The following IGFL2 variants were observed in gnomAD, a reference collection of about 807,000 sequenced individuals.
The protein encoded by IGFL2 is IGF like family member 2.
IGFL2 carries 7 observed loss-of-function variants against 13.9 expected under a neutral mutation model. The ratio of observed to expected loss-of-function variants is 0.51; its 90% confidence interval spans 0.29 to 0.95. The LOEUF is 0.95. Among genes scored for constraint, IGFL2 ranks in the 40% least tolerant of loss-of-function variants. The probability of loss-of-function intolerance (pLI) is 0.08; values close to 1 mark genes in which losing one functional copy is unlikely to be tolerated. For synonymous variants in IGFL2, 55 were observed against 55.8 expected (o/e 0.99, Z 0.07); for missense variants, 138 against 147.8 (o/e 0.93, Z 0.34).
At position 46,160,735 on chromosome 19, in the gene IGFL2, A is replaced by T; in HGVS notation, c.195A>T (p.Gln65His). 2 of 1,614,036 alleles carry T rather than the reference A, an allele frequency of 1.2e-6. No homozygotes were observed. Residue 65 changes from glutamine to histidine, a missense_variant, in exon 3 of 4, where the codon CAA becomes CAT. Gln to His is a conservative substitution (Grantham distance 24, BLOSUM62 0). Coordinates refer to ENST00000377693, the MANE Select transcript of IGFL2 (RefSeq NM_001135113.2). Reference protein sequence around the residue: ...DAIVSLSETRQCGPPCTFWPC... With the variant: ...DAIVSLSETRHCGPPCTFWPC... ...TCGTGTCCCTGAGCGAGACCCGCCA[A>T]TGTGGTCCCCCCTGCACCTTCTGGC...
chr19:46,180,100 G>T, the IGFL2 span, among the ~76,000 whole-genome samples: 603 of 152,072 alleles, frequency 4.0e-3, 4 homozygotes, highest in African/African-American at 0.012. Flanking sequence ...TTCGTATTCA[G>T]ACTAGCCCTA....
the IGFL2 span, among the ~76,000 whole-genome samples, chr19:46,171,494 A>C: frequency 6.6e-6 from 1 of 152,224 alleles, no homozygotes; most frequent in Non-Finnish European, 1.5e-5. Context: ...ATGGAATGAC[A>C]TGGAGATGCA....
Position 46,149,066 on chromosome 19 carries a change from T to G in IGFL2, c.19+769T>G, listed in dbSNP as rs1226811490. ...AGTAAGGGCAGCCCAGGCAGTGGAC[T>G]GAGTTTTGTTGTGTGTATTCCATCA... is the stretch of plus-strand genomic sequence containing the variant. On this transcript the variant is annotated intron_variant, in intron 1 of 3. Coordinates refer to ENST00000377693, the MANE Select transcript of IGFL2 (RefSeq NM_001135113.2). The G allele has an allele frequency of 2.6e-6, 4 of 1,563,878 alleles. No individual in the cohort carries two copies. The Admixed American group carries it at 7.0e-5, about 27-fold the overall frequency.
At chr19:46,155,110 C>G (rs1335900320) in intron 1 of IGFL2, among the ~76,000 whole-genome samples, 1 of 152,186 alleles carries the variant, frequency 6.6e-6, no homozygotes. Flanking sequence ...CAGGCAGGAT[C>G]AGTGAAGCCC....
chr19:46,200,484 C>CTTTTCTTTTCTT, the IGFL2 span, among the ~76,000 whole-genome samples: 41 of 143,902 alleles, frequency 2.8e-4, 4 homozygotes, highest in East Asian at 8.2e-3. Flanking sequence ...CTTTTCTTTT[C>CTTTTCTTTTCTT]TTTTCTTTTC....
chr19:46,185,818 C>T, the IGFL2 span, among the ~76,000 whole-genome samples: 2 of 152,116 alleles, frequency 1.3e-5, no homozygotes, highest in African/African-American at 4.8e-5. Flanking sequence ...CTGAAGTTGT[C>T]GACAGAGGGT....
At chr19:46,132,856 TGAGTTGATCA>T in the IGFL2 span, among the ~76,000 whole-genome samples, 1 of 152,266 alleles carries the variant, frequency 6.6e-6, no homozygotes, top group East Asian at 1.9e-4. Context: ...CACTGCCTGC[TGAGTTGATCA>T]GATCCAGGTA....
At chr19:46,161,950 G>GT (rs1469044203), downstream of IGFL2, among the ~76,000 whole-genome samples, 2 of 152,210 alleles carry the variant, frequency 1.3e-5, no homozygotes, top group African/African-American at 4.8e-5. Flanking sequence ...GTATTAGCTG[G>GT]TTGTGGTCTT....
At chr19:46,193,228 CA>C in the IGFL2 span, among the ~76,000 whole-genome samples, 1 of 151,976 alleles carries the variant, frequency 6.6e-6, no homozygotes, top group Non-Finnish European at 1.5e-5. Context: ...AAAGAAAAAA[CA>C]GTTCATAAAT....
At chr19:46,129,307 T>TGTG in the IGFL2 span, among the ~76,000 whole-genome samples, 674 of 137,030 alleles carry the variant, frequency 4.9e-3, 10 homozygotes, top group African/African-American at 0.017. Context: ...TGTTGATCTT[T>TGTG]TGTGTGTGTG....
chr19:46,120,440 A>G, the IGFL2 span: 2 of 1,586,786 alleles, frequency 1.3e-6, no homozygotes, highest in Non-Finnish European at 1.7e-6. Flanking sequence ...AATTTTAACA[A>G]ACTTGACTTT....
At chr19:46,148,680 C>A in intron 1 of IGFL2, 1 of 566,572 alleles carries the variant, frequency 1.8e-6, no homozygotes, top group Non-Finnish European at 3.1e-6. Context: ...TTTTTGAACT[C>A]CTGGGCTCAG....
chr19:46,124,241 C>T, the IGFL2 span: 1 of 1,609,496 alleles, frequency 6.2e-7, no homozygotes, highest in Non-Finnish European at 8.5e-7. Context: ...CCTCTTCCCT[C>T]CTCATTTTTC....
At chr19:46,195,768 C>G in the IGFL2 span, 1 of 152,264 alleles carries the variant, frequency 6.6e-6, no homozygotes, top group Non-Finnish European at 1.5e-5. Flanking sequence ...GTCTGGACAC[C>G]CTGTGGCTTC....
chr19:46,086,602 G>A, the IGFL2 span, among the ~76,000 whole-genome samples: 4 of 152,192 alleles, frequency 2.6e-5, no homozygotes, highest in African/African-American at 9.7e-5. Context: ...GGGATTACAG[G>A]CATTCGCCAC....
chr19:46,128,606 G>A, the IGFL2 span, among the ~76,000 whole-genome samples: 1 of 152,178 alleles, frequency 6.6e-6, no homozygotes, highest in Non-Finnish European at 1.5e-5. Flanking sequence ...AGATAATTAT[G>A]TGGTTTTTGT....
chr19:46,133,476 G>T, the IGFL2 span, among the ~76,000 whole-genome samples: 1 of 152,190 alleles, frequency 6.6e-6, no homozygotes, highest in African/African-American at 2.4e-5. Flanking sequence ...AAAGGCAGAG[G>T]AGAACAAAGG....
upstream of IGFL2, among the ~76,000 whole-genome samples, chr19:46,145,634 G>T (rs867120225): frequency 8.1e-5 from 12 of 147,548 alleles, no homozygotes; most frequent in Admixed American, 1.4e-4. Flanking sequence ...GTGTGTGTGT[G>T]TATTTATTTA....
the IGFL2 span, among the ~76,000 whole-genome samples, chr19:46,092,515 C>T: frequency 6.6e-6 from 1 of 151,892 alleles, no homozygotes; most frequent in Non-Finnish European, 1.5e-5. Flanking sequence ...GCTGGTAGTC[C>T]CAGCTACTCA....
Sources: gnomAD v4.1 joint callset for allele counts (sites outside exome capture counted in the v4.1 genomes callset) on GRCh38, gnomAD v4.1.1 for gene constraint, MANE v1.5 for transcripts, NCBI Gene and HGNC (gene_info 2026-07-23, HGNC 2026-07-21) for gene names.